NKD2: variants seen among roughly 807,000 people sequenced by gnomAD.
NKD2 encodes the protein protein naked cuticle homolog 2.
A neutral mutation model predicts 34.8 loss-of-function variants in NKD2; 43 were observed. The observed-to-expected ratio is 1.24, with a 90% CI of 0.97 to 1.60. The LOEUF (loss-of-function observed/expected upper bound fraction) is 1.60, where lower values mean the gene tolerates loss of function less well. NKD2 is among the 40% of genes most tolerant of loss of function. The pLI, the probability that NKD2 is intolerant of heterozygous loss-of-function variation, is 0.00. For synonymous variants in NKD2, 278 were observed against 265.1 expected, an observed-to-expected ratio of 1.05 and a Z score of -0.47; for missense variants, 675 against 627.1, an observed-to-expected ratio of 1.08 and a Z score of -0.82.
Position 1,034,171 on chromosome 5 carries a change from CT to C in NKD2, c.331-63del, listed in dbSNP as rs1733680795. The C allele has an allele frequency of 1.0e-5, 12 of 1,178,108 alleles. No individual in the cohort carries two copies. In the East Asian group the frequency reaches 2.4e-4, roughly 23 times the overall value. The allele number at this position is 1,178,108 out of a possible 1,614,324, so 73.0% of individuals were successfully genotyped here. A position where few individuals can be genotyped will look rare whatever the true frequency, so the allele number is the denominator to read the frequency against. ...GAAAGGCCCCAGAAGATCCTTCCCCCTGTGGAGTTGGGCGTGTTGGCGTGGG... is the reference window on the plus strand; with the variant it reads ...GAAAGGCCCCAGAAGATCCTTCCCCCGTGGAGTTGGGCGTGTTGGCGTGGG... On this transcript the variant is annotated intron_variant, in intron 5 of 9. Transcript: ENST00000296849.
At chr5:1,017,936 G>T (rs1457210935) in intron 3 of NKD2, among the ~76,000 whole-genome samples, 2 of 152,092 alleles carry the variant, frequency 1.3e-5, no homozygotes, top group African/African-American at 4.8e-5. Context: ...GCTGGGGTGT[G>T]GGACAGGCCA....
chr5:1,037,146 G>C (rs181736148), intron 9 of NKD2, among the ~76,000 whole-genome samples: 170 of 152,288 alleles, frequency 1.1e-3, no homozygotes, highest in African/African-American at 3.5e-3. Flanking sequence ...CTGGCAGCCT[G>C]CCCAGCACAC....
chr5:1,030,016 G>C (rs545336090), intron 3 of NKD2, among the ~76,000 whole-genome samples: 4 of 111,388 alleles, frequency 3.6e-5, no homozygotes, highest in African/African-American at 2.0e-4. Flanking sequence ...ATTGTGGTGC[G>C]GGGGGGGGGG....
intron 5 of NKD2, 75 bp downstream of exon 5, chr5:1,033,574 C>T (rs984892988): frequency 7.5e-6 from 11 of 1,461,314 alleles, no homozygotes; most frequent in African/African-American, 1.4e-5. Context: ...ATGTGTTGCC[C>T]TAAACTGGGC....
chr5:1,016,785 C>T (rs887166222), intron 3 of NKD2, among the ~76,000 whole-genome samples: 5 of 152,234 alleles, frequency 3.3e-5, no homozygotes, highest in African/African-American at 1.2e-4. Context: ...ACAAGAGCTA[C>T]AGCAGCTGTT....
chr5:1,029,503 C>A (rs1756554549), intron 3 of NKD2, among the ~76,000 whole-genome samples: 1 of 152,220 alleles, frequency 6.6e-6, no homozygotes, highest in African/African-American at 2.4e-5. Flanking sequence ...CTGCGCCCCT[C>A]CTTCTGTCAC....
chr5:1,034,178 G>T, intron 5 of NKD2, 57 bp from the exon 6 acceptor site: 2 of 1,243,174 alleles, frequency 1.6e-6, no homozygotes, highest in Non-Finnish European at 2.3e-6. Context: ...CCCCTGTGGA[G>T]TTGGGCGTGT....
rs1733766515 is a variant in NKD2, at chr5:1,034,825, A to G, written c.496A>G (p.Ser166Gly). 3 of 1,612,916 alleles carry G rather than the reference A, an allele frequency of 1.9e-6. No individual in the cohort carries two copies. Among genetic ancestry groups the G allele is most frequent in the Non-Finnish European group, 2.5e-6 (3 of 1,179,980 alleles). The change falls in exon 7 of 10, where the codon AGC becomes GGC. Residue 166 changes from serine (S) to glycine (G), a missense_variant. Physicochemically the swap from Ser to Gly is moderately conservative, Grantham distance 56 (BLOSUM62 0). Coordinates refer to ENST00000296849, the MANE Select transcript of NKD2 (RefSeq NM_033120.4). Reference protein sequence around the residue: ...DASVNHSSGSSKTLRVKLTVS... With the variant: ...DASVNHSSGSGKTLRVKLTVS... ...CTCGGTCAACCACTCCTCGGGCAGC[A>G]GCAAGACCCTCCGTGTGAAGCTAAC...
chr5:1,032,331 C>T (rs1228780086), intron 4 of NKD2, 119 bp downstream of exon 4: 1 of 753,846 alleles, frequency 1.3e-6, no homozygotes, highest in Non-Finnish European at 2.3e-6. Flanking sequence ...ACTTCCCAGG[C>T]TTAGACGCAC....
Position 1,009,385 on chromosome 5 carries a change from TG to T in NKD2, c.62-92del. 9.7e-7 allele frequency: 1 copy of T among 1,035,892 alleles called. No individual in the cohort carries two copies. The highest frequency in any genetic ancestry group is 1.4e-6 in the Non-Finnish European group (1 of 735,330). The allele number at this position is 1,035,892 out of a possible 1,614,324, so 64.2% of individuals were successfully genotyped here. A position where few individuals can be genotyped will look rare whatever the true frequency, so the allele number is the denominator to read the frequency against. ...CTGCCCCTGCGCGGTCTCCAGGCGA[TG>T]GGGACACAGCGAAGGCGCAGCGCCC... On this transcript the variant is annotated intron_variant, in intron 2 of 9. Transcript: ENST00000296849. The surrounding 1 kb of genome is among the most constrained non-coding windows in gnomAD (Gnocchi z 6.9).
chr5:1,032,234 C>G, intron 4 of NKD2, 22 bp downstream of exon 4: 5 of 1,592,496 alleles, frequency 3.1e-6, no homozygotes, highest in Non-Finnish European at 4.3e-6. Flanking sequence ...TCCCGCAGCC[C>G]TCCCTCCCCA....
chr5:1,014,445 C>T (rs991751248), intron 3 of NKD2, among the ~76,000 whole-genome samples: 3 of 152,184 alleles, frequency 2.0e-5, no homozygotes, highest in Non-Finnish European at 4.4e-5. Flanking sequence ...AGGGCCGTCT[C>T]GAGTACCCAT....
At chr5:1,037,126 G>GC (rs1004870590) in intron 9 of NKD2, among the ~76,000 whole-genome samples, 1 of 152,162 alleles carries the variant, frequency 6.6e-6, no homozygotes, top group African/African-American at 2.4e-5. Flanking sequence ...ATGGCAGGCA[G>GC]CATAGATAGC....
rs760073033 is a variant in NKD2, at chr5:1,032,212, G to A, written c.202G>A (p.Val68Met). 8 of 1,607,522 alleles carry A rather than the reference G, an allele frequency of 5.0e-6. No individual in the cohort carries two copies. The stretch of plus-strand genomic sequence containing the variant: ...CCGGGAGGACCAGTGTCCCCTACAG[G>A]GTGAGTGCAGCTCCCGCAGCCCTCC... ...PFREDQCPLQVALPAEKAEGR... is the reference protein window; with the variant it reads ...PFREDQCPLQMALPAEKAEGR... Residue 68 changes from valine (V) to methionine (M), a missense_variant and splice_region_variant, in exon 4 of 10, where the codon GTG (valine) becomes ATG (methionine). Transcript: ENST00000296849.
At chr5:1,035,729 T>G in intron 8 of NKD2, 1 of 534,602 alleles carries the variant, frequency 1.9e-6, no homozygotes, top group Non-Finnish European at 3.3e-6. Flanking sequence ...ACCCTCAGTC[T>G]GGACTTGCTG....
At chr5:1,021,840 G>T (rs998492810) in intron 3 of NKD2, among the ~76,000 whole-genome samples, 2 of 152,086 alleles carry the variant, frequency 1.3e-5, no homozygotes, top group African/African-American at 4.8e-5. Flanking sequence ...GCTCCCAGCA[G>T]GGATAAGGCG....
chr5:1,017,324 G>T (rs952586315), intron 3 of NKD2, among the ~76,000 whole-genome samples: 1 of 152,188 alleles, frequency 6.6e-6, no homozygotes, highest in African/African-American at 2.4e-5. Context: ...CTGTCCCGAG[G>T]GCGTGCCAGG....
At chr5:1,016,367 C>T (rs971016183) in intron 3 of NKD2, among the ~76,000 whole-genome samples, 1 of 152,260 alleles carries the variant, frequency 6.6e-6, no homozygotes, top group Non-Finnish European at 1.5e-5. Context: ...TGGGTCTGTT[C>T]GATCCTGTCC....
chr5:1,038,224 C>CCT lies in NKD2; in HGVS notation c.1208_1209dup (p.Ala404LeufsTer25). ...GCCACTCAAGGCCCCACACGCTCAG[C>CCT]CTGCCACAGTGGAGCACGAGGTGGT... On this transcript the variant is annotated frameshift_variant, in exon 10 of 10. Transcript: ENST00000296849. LOFTEE classifies it low-confidence loss of function (END_TRUNC). This position sits in a 1 kb window ranked among gnomAD's most constrained non-coding sequence, Gnocchi z 4.5. The CCT allele has an allele frequency of 6.3e-7, 1 of 1,591,942 alleles. No individual in the cohort carries two copies. The highest frequency in any genetic ancestry group is 8.5e-7 in the Non-Finnish European group (1 of 1,171,598).
Sources: allele counts gnomAD v4.1 joint callset (sites outside exome capture counted in the v4.1 genomes callset), GRCh38; gene constraint gnomAD v4.1.1; non-coding constraint Gnocchi (gnomAD v3.1); transcripts MANE v1.5; gene names NCBI Gene and HGNC (gene_info 2026-07-23, HGNC 2026-07-21).